The following LRRC4C variants were observed in gnomAD, a reference collection of about 807,000 sequenced individuals.
The protein encoded by LRRC4C is leucine-rich repeat-containing protein 4C.
LRRC4C carries 5 observed loss-of-function variants against 33.6 expected under a neutral mutation model. That is an observed-to-expected ratio of 0.15 (90% CI 0.08 to 0.31). The LOEUF is 0.31. Among genes scored for constraint, LRRC4C ranks in the 10% least tolerant of loss-of-function variants. LRRC4C has a pLI of 1.00. For missense variants in LRRC4C, 560 were observed against 796.7 expected, an observed-to-expected ratio of 0.70 and a Z score of 3.58; for synonymous variants, 329 against 302.0, an observed-to-expected ratio of 1.09 and a Z score of -0.93.
intron 3 of LRRC4C, among the ~76,000 whole-genome samples, chr11:40,425,029 A>C (rs1345631808): frequency 6.6e-6 from 1 of 152,132 alleles, no homozygotes; most frequent in Non-Finnish European, 1.5e-5. Flanking sequence ...TACAGAATTC[A>C]TTCTCCAAAT....
chr11:40,877,643 C>G (rs1367237713), intron 2 of LRRC4C, among the ~76,000 whole-genome samples: 3 of 152,126 alleles, frequency 2.0e-5, no homozygotes, highest in Admixed American at 6.5e-5. Flanking sequence ...TCTTCACCAA[C>G]CGTAAAGGGC....
intron 6 of LRRC4C, among the ~76,000 whole-genome samples, chr11:40,139,886 C>T (rs1857245521): frequency 6.6e-6 from 1 of 152,186 alleles, no homozygotes; most frequent in Admixed American, 6.5e-5. Context: ...TGATGTGAAG[C>T]CATCACTGTT....
chr11:40,638,440 C>T (rs929123017), intron 3 of LRRC4C, among the ~76,000 whole-genome samples: 3 of 152,078 alleles, frequency 2.0e-5, no homozygotes, highest in South Asian at 2.1e-4. Context: ...TAACCTTGTG[C>T]ATAAGTCTCT....
At chr11:41,057,441 C>A (rs1307704352) in intron 1 of LRRC4C, among the ~76,000 whole-genome samples, 1 of 152,218 alleles carries the variant, frequency 6.6e-6, no homozygotes, top group Non-Finnish European at 1.5e-5. Flanking sequence ...AGGAAGCAGA[C>A]AGGTTCCTGG....
At chr11:40,789,660 G>A (rs1950552110) in intron 2 of LRRC4C, among the ~76,000 whole-genome samples, 1 of 152,164 alleles carries the variant, frequency 6.6e-6, no homozygotes, top group African/African-American at 2.4e-5. Flanking sequence ...TTGAGTCAGA[G>A]TTAAATATAA....
chr11:41,304,179 T>G (rs1243927762), intron 1 of LRRC4C, among the ~76,000 whole-genome samples: 3 of 82,726 alleles, frequency 3.6e-5, no homozygotes, highest in Non-Finnish European at 5.4e-5. Flanking sequence ...GGTGGGGGGG[T>G]CAGCCCCCCG....
chr11:40,299,231 G>A (rs1944656589), intron 4 of LRRC4C, among the ~76,000 whole-genome samples: 1 of 152,172 alleles, frequency 6.6e-6, no homozygotes, highest in Admixed American at 6.5e-5. Flanking sequence ...CAAGCATTAT[G>A]GAAGTCATCA....
intron 5 of LRRC4C, among the ~76,000 whole-genome samples, chr11:40,161,842 A>C (rs1859183669): frequency 6.6e-6 from 1 of 152,238 alleles, no homozygotes; most frequent in Admixed American, 6.5e-5. Flanking sequence ...AACAATTTAC[A>C]GAATCTAGGA....
chr11:40,739,920 A>G (rs1948080326), intron 2 of LRRC4C, among the ~76,000 whole-genome samples: 1 of 151,954 alleles, frequency 6.6e-6, no homozygotes, highest in African/African-American at 2.4e-5. Flanking sequence ...GTGTGTGTGT[A>G]TATATATTAT....
chr11:40,460,889 T>A (rs1035116638), intron 3 of LRRC4C, among the ~76,000 whole-genome samples: 2 of 152,126 alleles, frequency 1.3e-5, no homozygotes, highest in African/African-American at 4.8e-5. Flanking sequence ...AATGAGATAC[T>A]GAAGCAACCA....
chr11:40,617,030 T>A (rs1312082613), intron 3 of LRRC4C, among the ~76,000 whole-genome samples: 1 of 151,762 alleles, frequency 6.6e-6, no homozygotes, highest in African/African-American at 2.4e-5. Flanking sequence ...ACTTCACTCA[T>A]TTTTAAGTCC....
At chr11:40,814,183 T>C (rs1329605927) in intron 2 of LRRC4C, among the ~76,000 whole-genome samples, 1 of 152,202 alleles carries the variant, frequency 6.6e-6, no homozygotes. Context: ...CTGCAGCAAG[T>C]TGCTGCCTGA....
At position 40,904,651 on chromosome 11, in the gene LRRC4C, C is replaced by A. The variant is rs557387891; in HGVS notation, c.-407+28984G>T. On this transcript the variant is annotated intron_variant, in intron 2 of 6. Coordinates refer to ENST00000528697, the MANE Select transcript of LRRC4C (RefSeq NM_001258419.2). ...CATGACTGTAGCTCAGAGCCACCAC[C>A]ACCCATTCCCCCTCAAAAGGCAGGT... is the stretch of plus-strand genomic sequence containing the variant. 2.0e-5 allele frequency among the ~76,000 whole-genome samples: 3 copies of A among 152,212 alleles called. No homozygotes were observed. In the East Asian group the frequency reaches 5.8e-4, roughly 29 times the overall value.
At position 40,519,356 on chromosome 11, in the gene LRRC4C, C is replaced by A. The variant is rs182440085; in HGVS notation, c.-270+128786G>T. On this transcript the variant is annotated intron_variant, in intron 3 of 6. Coordinates refer to ENST00000528697, the MANE Select transcript of LRRC4C (RefSeq NM_001258419.2). ...GATAATGTTTTCATTAACATATGACCCCCAGATATTAAAATGTAATGTTTC... is the reference window on the plus strand; with the variant it reads ...GATAATGTTTTCATTAACATATGACACCCAGATATTAAAATGTAATGTTTC... Among the ~76,000 whole-genome samples, 9 of 151,950 alleles carry A rather than the reference C, an allele frequency of 5.9e-5. No homozygotes were observed. In the East Asian group the frequency reaches 1.7e-3, roughly 29 times the overall value.
At chr11:41,177,507 GATCT>G (rs1055295926) in intron 1 of LRRC4C, among the ~76,000 whole-genome samples, 4 of 152,076 alleles carry the variant, frequency 2.6e-5, no homozygotes, top group African/African-American at 9.7e-5. Context: ...GGAATTCAAT[GATCT>G]ATTATCTCAC....
intron 3 of LRRC4C, among the ~76,000 whole-genome samples, chr11:40,578,319 T>C (rs1056594165): frequency 2.0e-5 from 3 of 151,826 alleles, no homozygotes; most frequent in African/African-American, 4.8e-5. Flanking sequence ...CAGGATATTT[T>C]TGTCAGAAAA....
At chr11:40,116,761 T>G (rs2134598741) in intron 6 of LRRC4C, among the ~76,000 whole-genome samples, 1 of 152,334 alleles carries the variant, frequency 6.6e-6, no homozygotes, top group Middle Eastern at 3.4e-3. Context: ...CATATTATAT[T>G]GAAGGTTATT....
At chr11:41,369,765 T>TTTCAATCTAGTAA in intron 1 of LRRC4C, among the ~76,000 whole-genome samples, 1 of 152,144 alleles carries the variant, frequency 6.6e-6, no homozygotes, top group African/African-American at 2.4e-5. Flanking sequence ...ATTCTAGTAA[T>TTTCAATCTAGTAA]GATGAGCACC....
At chr11:40,206,697 A>C (rs898308869) in intron 5 of LRRC4C, among the ~76,000 whole-genome samples, 2 of 152,168 alleles carry the variant, frequency 1.3e-5, no homozygotes, top group Admixed American at 6.5e-5. Flanking sequence ...ATGTGTGTCA[A>C]TTCTGGTTAT....
Sources: gnomAD v4.1 joint callset for allele counts (sites outside exome capture counted in the v4.1 genomes callset) on GRCh38, gnomAD v4.1.1 for gene constraint, MANE v1.5 for transcripts, NCBI Gene and HGNC (gene_info 2026-07-23, HGNC 2026-07-21) for gene names.